Variants in SAMD12 observed in about 807,000 individuals in gnomAD.
SAMD12 encodes sterile alpha motif domain containing 12, also known as sterile alpha motif domain-containing protein 12.
SAMD12 carries 9 observed loss-of-function variants against 15.0 expected under a neutral mutation model. The observed-to-expected ratio is 0.60, with a 90% confidence interval of 0.36 to 1.05. The LOEUF (loss-of-function observed/expected upper bound fraction) is 1.05. Among genes scored for constraint, SAMD12 ranks in the 50% least tolerant of loss-of-function variants. SAMD12 has a pLI of 0.01. For synonymous variants in SAMD12, 86 were observed against 90.1 expected (o/e 0.96, Z 0.25); for missense variants, 230 against 234.2 (o/e 0.98, Z 0.12).
At chr8:118,436,826 A>G (rs1317031620) in intron 3 of SAMD12, among the ~76,000 whole-genome samples, 1 of 152,238 alleles carries the variant, frequency 6.6e-6, no homozygotes, top group Non-Finnish European at 1.5e-5. Context: ...CTTGGAAAAG[A>G]GCAGCAGCTC....
chr8:118,420,321 T>C (rs1241917348), intron 3 of SAMD12, among the ~76,000 whole-genome samples: 3 of 152,006 alleles, frequency 2.0e-5, no homozygotes, highest in Non-Finnish European at 2.9e-5. Context: ...GGGTAGGAGG[T>C]AGAAGAATTC....
intron 4 of SAMD12, among the ~76,000 whole-genome samples, chr8:118,324,734 A>G (rs1482109234): frequency 6.6e-6 from 1 of 152,214 alleles, no homozygotes; most frequent in Non-Finnish European, 1.5e-5. Context: ...CAAAGTAAAC[A>G]GAAGCAGGAA....
chr8:118,535,606 C>T (rs973394698), intron 2 of SAMD12, among the ~76,000 whole-genome samples: 15 of 152,252 alleles, frequency 9.9e-5, no homozygotes, highest in African/African-American at 3.6e-4. Flanking sequence ...CCAGTTCCAG[C>T]TTCCCAGCTG....
chr8:118,451,120 C>A (rs1395031357), intron 2 of SAMD12, among the ~76,000 whole-genome samples: 1 of 152,190 alleles, frequency 6.6e-6, no homozygotes, highest in Non-Finnish European at 1.5e-5. Flanking sequence ...TAAAGTAACT[C>A]ATCCAAGGTC....
chr8:118,448,118 T>C (rs1426906294), intron 2 of SAMD12, among the ~76,000 whole-genome samples: 4 of 152,186 alleles, frequency 2.6e-5, no homozygotes, highest in African/African-American at 9.7e-5. Flanking sequence ...GCCAACTATG[T>C]CTGTGTTTTT....
At chr8:118,576,817 T>A (rs1349008104) in intron 2 of SAMD12, among the ~76,000 whole-genome samples, 1 of 152,212 alleles carries the variant, frequency 6.6e-6, no homozygotes, top group Non-Finnish European at 1.5e-5. Context: ...CTTCTTTGTA[T>A]CAAAGAGACT....
intron 4 of SAMD12, among the ~76,000 whole-genome samples, chr8:118,223,982 A>T (rs2129884323): frequency 6.6e-6 from 1 of 152,350 alleles, no homozygotes; most frequent in Non-Finnish European, 1.5e-5. Context: ...ATGTGCAATT[A>T]ACATGCCAGG....
intron 2 of SAMD12, among the ~76,000 whole-genome samples, chr8:118,468,699 C>T (rs1196016066): frequency 6.6e-6 from 1 of 151,812 alleles, no homozygotes; most frequent in Non-Finnish European, 1.5e-5. Flanking sequence ...GATTTTTCAC[C>T]TCTGTTACAA....
At chr8:118,303,826 T>C (rs911106542) in intron 4 of SAMD12, among the ~76,000 whole-genome samples, 2 of 152,228 alleles carry the variant, frequency 1.3e-5, no homozygotes, top group Non-Finnish European at 2.9e-5. Flanking sequence ...CAGAAAAGGC[T>C]GCTCTACTCA....
At chr8:118,138,603 C>A in the SAMD12 span, among the ~76,000 whole-genome samples, 4 of 152,210 alleles carry the variant, frequency 2.6e-5, no homozygotes, top group African/African-American at 9.6e-5. Context: ...AAATAAATTT[C>A]TCTTGTTTGT....
intron 2 of SAMD12, among the ~76,000 whole-genome samples, chr8:118,453,221 G>C (rs1331485869): frequency 6.6e-6 from 1 of 151,874 alleles, no homozygotes; most frequent in Non-Finnish European, 1.5e-5. Flanking sequence ...CCTCTATTTG[G>C]TCTGCTATGC....
At chr8:118,380,703 C>A (rs1164535564) in intron 3 of SAMD12, among the ~76,000 whole-genome samples, 1 of 152,208 alleles carries the variant, frequency 6.6e-6, no homozygotes, top group Non-Finnish European at 1.5e-5. Context: ...GAGGCAATTA[C>A]ATGTGACGAA....
chr8:118,460,522 T>C (rs1315670041), intron 2 of SAMD12, among the ~76,000 whole-genome samples: 2 of 152,178 alleles, frequency 1.3e-5, no homozygotes, highest in Admixed American at 6.5e-5. Context: ...CCAAACCTAC[T>C]GTCTGCACAA....
chr8:118,568,267 C>T (rs1283570244), intron 2 of SAMD12, among the ~76,000 whole-genome samples: 1 of 152,090 alleles, frequency 6.6e-6, no homozygotes, highest in Non-Finnish European at 1.5e-5. Context: ...AGATTCAAGG[C>T]AGAGGTAACA....
intron 1 of SAMD12, among the ~76,000 whole-genome samples, chr8:118,600,793 T>G (rs1019158440): frequency 6.6e-6 from 1 of 152,222 alleles, no homozygotes; most frequent in Non-Finnish European, 1.5e-5. Flanking sequence ...GTGCTTTTTT[T>G]TTTAGATCTG....
chr8:118,155,450 C>T, the SAMD12 span, among the ~76,000 whole-genome samples: 1 of 152,186 alleles, frequency 6.6e-6, no homozygotes, highest in Non-Finnish European at 1.5e-5. Context: ...AGGCTCAAGG[C>T]AGGAGATCAT....
At chr8:118,530,737 G>A (rs772910051) in intron 2 of SAMD12, among the ~76,000 whole-genome samples, 1 of 152,052 alleles carries the variant, frequency 6.6e-6, no homozygotes, top group African/African-American at 2.4e-5. Flanking sequence ...TGTTTTTGTT[G>A]CATTTGTTTT....
chr8:118,514,256 A>G (rs1825167572), intron 2 of SAMD12, among the ~76,000 whole-genome samples: 1 of 152,200 alleles, frequency 6.6e-6, no homozygotes, highest in South Asian at 2.1e-4. Context: ...AATTTTGAAC[A>G]TTTATATAGT....
intron 1 of SAMD12, among the ~76,000 whole-genome samples, chr8:118,610,106 T>C (rs1018954467): frequency 1.3e-5 from 2 of 152,268 alleles, no homozygotes; most frequent in African/African-American, 4.8e-5. Flanking sequence ...TTTACACTAA[T>C]TGTGTGCTGG....
Sources: allele counts gnomAD v4.1 joint callset (sites outside exome capture counted in the v4.1 genomes callset), GRCh38; gene constraint gnomAD v4.1.1; transcripts MANE v1.5; gene names NCBI Gene and HGNC (gene_info 2026-07-23, HGNC 2026-07-21).